ERI3: variants seen among roughly 807,000 people sequenced by gnomAD.
ERI3 encodes ERI1 exoribonuclease 3.
A neutral mutation model predicts 44.4 loss-of-function variants in ERI3; 18 were observed. The ratio of observed to expected loss-of-function variants is 0.41; its 90% CI spans 0.28 to 0.60. The LOEUF (loss-of-function observed/expected upper bound fraction) is 0.60, where lower values mean the gene tolerates loss of function less well. ERI3 is among the 20% of genes least tolerant of loss of function. The pLI is 0.36. For missense variants in ERI3, 294 were observed against 435.5 expected (o/e 0.68, Z 2.89); for synonymous variants, 183 against 164.8 (o/e 1.11, Z -0.84).
At chr1:44,257,170 T>C (rs918170409) in intron 7 of ERI3, among the ~76,000 whole-genome samples, 3 of 152,200 alleles carry the variant, frequency 2.0e-5, no homozygotes, top group African/African-American at 4.8e-5. Flanking sequence ...CATAACGATA[T>C]AATGATATAT....
intron 8 of ERI3, chr1:44,242,226 T>C (rs1443926303): frequency 3.3e-5 from 29 of 876,660 alleles, no homozygotes; most frequent in Non-Finnish European, 4.0e-5. Context: ...ACAAGGCAGC[T>C]GGGCTGACTC....
Position 44,248,006 on chromosome 1 carries a change from C to A in ERI3, c.864G>T (p.Lys288Asn). 2 of 1,612,436 alleles carry A rather than the reference C, an allele frequency of 1.2e-6. No homozygotes were observed. The highest frequency in any genetic ancestry group is 1.7e-6 in the Non-Finnish European group (2 of 1,179,340). ...CCTTGTTCATGTCTAGAAGTCCATT[C>A]TTGGGCCAGCAGCCCATGGCGAAGC... ...AYSFAMGCWP[K>N]NGLLDMNKGL... Residue 288 changes from lysine (K) to asparagine (N), a missense_variant, in exon 8 of 9, where the codon AAG (lysine) becomes AAT (asparagine). Lys to Asn is a moderately conservative substitution (Grantham distance 94). Coordinates refer to ENST00000372257, the MANE Select transcript of ERI3 (RefSeq NM_024066.3).
intron 2 of ERI3, among the ~76,000 whole-genome samples, chr1:44,343,048 A>G (rs1283837438): frequency 6.6e-6 from 1 of 150,798 alleles, no homozygotes; most frequent in African/African-American, 2.4e-5. Flanking sequence ...TAAAAGAAAC[A>G]GAGGTCCTTA....
At chr1:44,271,378 A>G (rs1645084371) in intron 7 of ERI3, among the ~76,000 whole-genome samples, 1 of 152,174 alleles carries the variant, frequency 6.6e-6, no homozygotes, top group Non-Finnish European at 1.5e-5. Context: ...ACCTGAGAAT[A>G]TACTCATCTT....
intron 8 of ERI3, among the ~76,000 whole-genome samples, chr1:44,232,774 A>G (rs1448995530): frequency 1.3e-5 from 2 of 152,234 alleles, no homozygotes; most frequent in Non-Finnish European, 2.9e-5. Context: ...GCCAGAGCTC[A>G]GAGACATGGC....
intron 5 of ERI3, among the ~76,000 whole-genome samples, chr1:44,309,213 G>T (rs1645902788): frequency 6.6e-6 from 1 of 152,160 alleles, no homozygotes; most frequent in Admixed American, 6.5e-5. Flanking sequence ...AACAATTCAA[G>T]ACTGGGTGTG....
intron 2 of ERI3, among the ~76,000 whole-genome samples, chr1:44,346,588 G>A (rs1404457553): frequency 6.6e-6 from 1 of 152,134 alleles, no homozygotes. Context: ...GGCAGGGTAT[G>A]GTAGCATCAT....
At chr1:44,310,084 T>G (rs1224708978) in intron 5 of ERI3, among the ~76,000 whole-genome samples, 1 of 152,124 alleles carries the variant, frequency 6.6e-6, no homozygotes, top group Non-Finnish European at 1.5e-5. Flanking sequence ...TGATAATGTT[T>G]TAAGTACCTA....
intron 7 of ERI3, among the ~76,000 whole-genome samples, chr1:44,279,511 C>T (rs956751429): frequency 3.9e-5 from 6 of 152,196 alleles, no homozygotes; most frequent in African/African-American, 1.4e-4. Flanking sequence ...CAGGTATAAG[C>T]CACCATGCCT....
intron 7 of ERI3, among the ~76,000 whole-genome samples, chr1:44,271,267 C>G (rs910223161): frequency 6.6e-6 from 1 of 152,210 alleles, no homozygotes; most frequent in Non-Finnish European, 1.5e-5. Context: ...GCTTAAAATA[C>G]CTGAAAACTG....
chr1:44,336,510 C>T (rs371796386), intron 3 of ERI3, among the ~76,000 whole-genome samples: 2 of 151,444 alleles, frequency 1.3e-5, no homozygotes, highest in Admixed American at 6.6e-5. Flanking sequence ...TTATCACTTG[C>T]CCTAGATCCA....
At chr1:44,310,977 A>AGTG (rs1645958647) in intron 5 of ERI3, among the ~76,000 whole-genome samples, 3 of 116,694 alleles carry the variant, frequency 2.6e-5, no homozygotes, top group East Asian at 2.6e-4. Context: ...ACACACACAC[A>AGTG]CACACACACA....
intron 3 of ERI3, among the ~76,000 whole-genome samples, chr1:44,321,095 G>A (rs1177345743): frequency 1.3e-5 from 2 of 152,184 alleles, no homozygotes; most frequent in Admixed American, 6.5e-5. Context: ...AACACAAGGA[G>A]AAATGGTCAA....
chr1:44,310,343 T>C (rs1276977900), intron 5 of ERI3, among the ~76,000 whole-genome samples: 1 of 152,180 alleles, frequency 6.6e-6, no homozygotes, highest in Non-Finnish European at 1.5e-5. Flanking sequence ...AATTTTGTAT[T>C]TGAAGCAATT....
intron 7 of ERI3, among the ~76,000 whole-genome samples, chr1:44,255,359 T>A (rs1572123635): frequency 6.6e-6 from 1 of 152,316 alleles, no homozygotes; most frequent in East Asian, 1.9e-4. Context: ...TCTGAAACCC[T>A]TCTCCCTTCT....
intron 8 of ERI3, among the ~76,000 whole-genome samples, chr1:44,223,502 T>C (rs935014032): frequency 6.6e-6 from 1 of 152,166 alleles, no homozygotes; most frequent in African/African-American, 2.4e-5. Context: ...CAATCCTTCC[T>C]GTCTCCGGTA....
At chr1:44,304,546 G>A (rs746305045) in intron 6 of ERI3, among the ~76,000 whole-genome samples, 5 of 152,174 alleles carry the variant, frequency 3.3e-5, no homozygotes, top group African/African-American at 4.8e-5. Context: ...CAGCAAGCAC[G>A]TCACTAGGCC....
At chr1:44,247,806 TCCC>T (rs968149578) in intron 8 of ERI3, 130 bp downstream of exon 8, 11 of 555,372 alleles carry the variant, frequency 2.0e-5, no homozygotes, top group Admixed American at 1.5e-4. Context: ...CCTTCCACCA[TCCC>T]CCCACCTATG....
At chr1:44,326,923 T>C (rs1169714875) in intron 3 of ERI3, among the ~76,000 whole-genome samples, 3 of 152,210 alleles carry the variant, frequency 2.0e-5, no homozygotes, top group Non-Finnish European at 2.9e-5. Flanking sequence ...TTCAAAAACA[T>C]AATACCAATA....
Sources: gnomAD v4.1 joint callset for allele counts (sites outside exome capture counted in the v4.1 genomes callset) on GRCh38, gnomAD v4.1.1 for gene constraint, MANE v1.5 for transcripts, NCBI Gene and HGNC (gene_info 2026-07-23, HGNC 2026-07-21) for gene names.